Variants in EPN2 observed in about 807,000 individuals in gnomAD.
EPN2 encodes the protein epsin 2.
Under a neutral mutation model 61.7 loss-of-function variants are expected in EPN2, and 34 were observed. The ratio of observed to expected loss-of-function variants is 0.55; its 90% confidence interval spans 0.42 to 0.73. The LOEUF is 0.73. Ranked by LOEUF, EPN2 falls within the 30% of genes least tolerant of loss-of-function variation. EPN2 has a pLI of 0.00. For synonymous variants in EPN2, 349 were observed against 353.6 expected, an observed-to-expected ratio of 0.99 and a Z score of 0.15; for missense variants, 714 against 839.2, an observed-to-expected ratio of 0.85 and a Z score of 1.84.
chr17:19,295,360 A>G (rs199926405), intron 4 of EPN2, among the ~76,000 whole-genome samples: 1,632 of 69,210 alleles, frequency 0.024, 12 homozygotes, highest in East Asian at 0.04. Context: ...ACACACACAC[A>G]CACACACGCG....
intron 1 of EPN2, among the ~76,000 whole-genome samples, chr17:19,264,161 T>C (rs2045172586): frequency 6.6e-6 from 1 of 152,250 alleles, no homozygotes; most frequent in Admixed American, 6.5e-5. Context: ...CCAATGGAGA[T>C]AAAACCAAAA....
At chr17:19,319,884 TC>T (rs2152235521) in intron 7 of EPN2, among the ~76,000 whole-genome samples, 1 of 152,328 alleles carries the variant, frequency 6.6e-6, no homozygotes, top group East Asian at 1.9e-4. Flanking sequence ...CTGACCTTGA[TC>T]CACCCGCCTC....
intron 4 of EPN2, among the ~76,000 whole-genome samples, chr17:19,286,632 A>AT (rs1438059561): frequency 6.6e-6 from 1 of 152,196 alleles, no homozygotes; most frequent in Non-Finnish European, 1.5e-5. Flanking sequence ...GACTTCCCTG[A>AT]TAAGGTGACC....
chr17:19,289,156 CT>C (rs1368879974), intron 4 of EPN2, among the ~76,000 whole-genome samples: 1 of 148,530 alleles, frequency 6.7e-6, no homozygotes, highest in East Asian at 2.0e-4. Flanking sequence ...ACGATCTCCG[CT>C]TACTGCAAGC....
intron 7 of EPN2, among the ~76,000 whole-genome samples, chr17:19,314,808 T>A (rs547649245): frequency 1.3e-4 from 20 of 152,348 alleles, no homozygotes; most frequent in African/African-American, 4.8e-4. Context: ...GTGGTATGGT[T>A]TTACTCACCA....
At chr17:19,312,386 A>T (rs888443853) in intron 6 of EPN2, among the ~76,000 whole-genome samples, 2 of 152,202 alleles carry the variant, frequency 1.3e-5, no homozygotes, top group African/African-American at 2.4e-5. Flanking sequence ...GGAGGTGATG[A>T]TAGTGCCTGC....
chr17:19,289,089 T>G (rs2045433645), intron 4 of EPN2, among the ~76,000 whole-genome samples: 2 of 139,318 alleles, frequency 1.4e-5, no homozygotes, highest in African/African-American at 2.7e-5. Flanking sequence ...TTTTTTTTTT[T>G]TTTTTTTTTT....
chr17:19,313,164 G>A lies in EPN2; in HGVS notation c.1032G>A (p.Ser344=), dbSNP rs772906576. 7.4e-6 allele frequency: 12 copies of A among 1,613,464 alleles called. No individual in the cohort carries two copies. The highest frequency in any genetic ancestry group is 3.3e-5 in the Admixed American group (2 of 59,938). The change falls in exon 7 of 11, where the codon TCG becomes TCA. Residue 344 remains serine, a synonymous_variant. Coordinates refer to ENST00000314728, the MANE Select transcript of EPN2 (RefSeq NM_014964.5). ...ATTTAATGGATGCTCTCCCCAGCTC[G>A]GGCCCCGCGGCCCAGAAAGCAGAGC... The part of the protein sequence containing the change: ...LLDLMDALPS[S]GPAAQKAEPW...
intron 1 of EPN2, among the ~76,000 whole-genome samples, chr17:19,243,505 G>T (rs1270627232): frequency 2.1e-5 from 3 of 145,122 alleles, no homozygotes; most frequent in African/African-American, 2.6e-5. Context: ...CCATTCTCCT[G>T]CCTCAGCCTC....
At chr17:19,246,256 G>C (rs922287481) in intron 1 of EPN2, among the ~76,000 whole-genome samples, 4 of 152,304 alleles carry the variant, frequency 2.6e-5, no homozygotes, top group Admixed American at 1.3e-4. Context: ...TACTTGGAAG[G>C]CTGAGGCAGG....
rs765690933 is a variant in EPN2 at position 19,285,742 on chromosome 17, A to G, written c.718A>G (p.Asn240Asp). The change falls in exon 4 of 11, where the codon AAT becomes GAT. Residue 240 changes from asparagine to aspartate, a missense_variant. By Grantham distance (23) the Asn-to-Asp change is conservative. Transcript: ENST00000314728. This position sits in a 1 kb window ranked among gnomAD's most constrained non-coding sequence, Gnocchi z 4.5. ...GCACCTGGGGCTGGCCTCCCGCCCA[A>G]ATGGCGACTGGTCCCAGCCCTGCCT... ...LPHLGLASRPNGDWSQPCLTC... is the reference protein window; with the variant it reads ...LPHLGLASRPDGDWSQPCLTC... The G allele has an allele frequency of 6.8e-6, 11 of 1,608,790 alleles. No individual in the cohort carries two copies. The highest frequency in any genetic ancestry group is 6.7e-5 in the Admixed American group (4 of 59,610).
chr17:19,280,585 A>G (rs1460534873), intron 1 of EPN2, among the ~76,000 whole-genome samples: 3 of 152,250 alleles, frequency 2.0e-5, no homozygotes, highest in Middle Eastern at 3.2e-3. Flanking sequence ...CTCCTTGGCC[A>G]GAGCAGATGT....
At chr17:19,325,949 GTT>G (rs1273600236) in intron 7 of EPN2, among the ~76,000 whole-genome samples, 1 of 152,100 alleles carries the variant, frequency 6.6e-6, no homozygotes, top group Non-Finnish European at 1.5e-5. Flanking sequence ...GTATACAAAA[GTT>G]TTTCTGCATA....
chr17:19,304,788 T>A (rs1905743728), intron 4 of EPN2, among the ~76,000 whole-genome samples: 1 of 152,210 alleles, frequency 6.6e-6, no homozygotes, highest in Non-Finnish European at 1.5e-5. Context: ...GGACAAGATT[T>A]GTCCGTCCAG....
At chr17:19,295,513 C>T (rs2045511151) in intron 4 of EPN2, among the ~76,000 whole-genome samples, 1 of 151,604 alleles carries the variant, frequency 6.6e-6, no homozygotes, top group Non-Finnish European at 1.5e-5. Context: ...GCCTGGGTGA[C>T]AAGAGTGAAA....
intron 1 of EPN2, among the ~76,000 whole-genome samples, chr17:19,279,046 AC>A (rs1381914212): frequency 6.6e-6 from 1 of 151,868 alleles, no homozygotes; most frequent in African/African-American, 2.4e-5. Context: ...GTTTTTTTTT[AC>A]TATAACCAGT....
intron 1 of EPN2, chr17:19,248,558 G>A (rs963992469): frequency 1.3e-5 from 2 of 152,178 alleles, no homozygotes; most frequent in African/African-American, 4.8e-5. Context: ...ATTAGTCAAA[G>A]TCTAGAAGTG....
At chr17:19,292,206 G>A (rs1284918904) in intron 4 of EPN2, among the ~76,000 whole-genome samples, 1 of 152,244 alleles carries the variant, frequency 6.6e-6, no homozygotes, top group Non-Finnish European at 1.5e-5. Context: ...GAGCTCCAAG[G>A]TGCAGGGCTG....
rs1374951926 is a variant in EPN2, at chr17:19,257,518, TCTCTC to T, written c.-294+19988_-294+19992del. 1.0e-4 allele frequency among the ~76,000 whole-genome samples: 12 copies of T among 118,176 alleles called. No homozygotes were observed. The East Asian group carries it at 2.8e-3, about 28-fold the overall frequency. The allele number at this position is 118,176 out of a possible 152,430, so 77.5% of individuals were successfully genotyped here. ...TATTTTGATTTATTTTCTCTCTCTC[TCTCTC>T]TTTTTTTTTTTTTTGACACGGGGTC... On this transcript the variant is annotated intron_variant, in intron 1 of 10. Transcript: ENST00000314728.
Sources: allele counts gnomAD v4.1 joint callset (sites outside exome capture counted in the v4.1 genomes callset), GRCh38; gene constraint gnomAD v4.1.1; non-coding constraint Gnocchi (gnomAD v3.1); transcripts MANE v1.5; gene names NCBI Gene and HGNC (gene_info 2026-07-23, HGNC 2026-07-21).